The following COL5A1 variants were observed in gnomAD, a reference collection of about 807,000 sequenced individuals.
COL5A1 encodes collagen alpha-1(V) chain.
Under a neutral mutation model 263.7 loss-of-function variants are expected in COL5A1, and 16 were observed. That is an observed-to-expected ratio of 0.06 (90% CI 0.04 to 0.09). The LOEUF (loss-of-function observed/expected upper bound fraction) is 0.09, where lower values mean the gene tolerates loss of function less well. Ranked by LOEUF, COL5A1 falls within the 10% of genes least tolerant of loss-of-function variation. The pLI is 1.00. For synonymous variants in COL5A1, 1,012 were observed against 1,004.5 expected, an observed-to-expected ratio of 1.01 and a Z score of -0.14; for missense variants, 2,036 against 2,540.5, an observed-to-expected ratio of 0.80 and a Z score of 4.27.
chr9:134,807,774 G>A (rs544198542), intron 42 of COL5A1, among the ~76,000 whole-genome samples: 1 of 152,248 alleles, frequency 6.6e-6, no homozygotes, highest in Non-Finnish European at 1.5e-5. Flanking sequence ...GAGGCACCCA[G>A]GACATGGATC....
chr9:134,747,308 C>T (rs1332087672), intron 11 of COL5A1, among the ~76,000 whole-genome samples: 2 of 152,208 alleles, frequency 1.3e-5, no homozygotes, highest in Non-Finnish European at 2.9e-5. Context: ...TGGCTTAGAA[C>T]AGGCAGGAAG....
At chr9:134,835,229 C>A in intron 65 of COL5A1, 25 bp downstream of exon 65, 1 of 1,591,976 alleles carries the variant, frequency 6.3e-7, no homozygotes, top group Non-Finnish European at 8.6e-7. Flanking sequence ...CCGCGCCCAG[C>A]ACCCCTGCTC....
In COL5A1 at chr9:134,755,728, A is replaced by G. The variant is rs7038442; in HGVS notation, c.1828-1037A>G. Among the ~76,000 whole-genome samples the G allele has an allele frequency of 0.23, 34,547 of 152,006 alleles. 4,055 individuals are homozygous for G. The highest frequency in any genetic ancestry group is 0.34 in the East Asian group (1,762 of 5,152). On this transcript the variant is annotated intron_variant, in intron 16 of 65. Transcript: ENST00000371817. The surrounding 1 kb of genome is among the most constrained non-coding windows in gnomAD (Gnocchi z 4.1). ...CCCAATGGGCCCCTCCATTTGCCCA[A>G]CAGGGCGATGTCTTTTTGGGGAGCA...
chr9:134,782,505 A>C, intron 28 of COL5A1, 162 bp from the exon 29 acceptor site: 1 of 743,328 alleles, frequency 1.3e-6, no homozygotes. Flanking sequence ...TGGGAAAGCC[A>C]TTCTCGAGGG....
chr9:134,774,117 C>T (rs866092152), intron 26 of COL5A1, among the ~76,000 whole-genome samples: 7 of 152,236 alleles, frequency 4.6e-5, no homozygotes, highest in South Asian at 2.1e-4. Context: ...TCAACTGGAA[C>T]GAGAGGCATT....
At chr9:134,780,171 G>A (rs1164495882) in intron 28 of COL5A1, 25 bp downstream of exon 28, 1 of 1,612,554 alleles carries the variant, frequency 6.2e-7, no homozygotes. Flanking sequence ...GCAGCCACGG[G>A]GCCCCCTGCT....
intron 4 of COL5A1, among the ~76,000 whole-genome samples, chr9:134,706,376 G>C (rs1833839544): frequency 1.3e-5 from 2 of 152,184 alleles, no homozygotes; most frequent in Admixed American, 1.3e-4. Flanking sequence ...TTTTATCCAG[G>C]GCATAGTCAG....
intron 63 of COL5A1, among the ~76,000 whole-genome samples, chr9:134,828,811 CCACACA>C (rs906680873): frequency 5.3e-5 from 8 of 150,180 alleles, no homozygotes; most frequent in African/African-American, 2.0e-4. Flanking sequence ...CACACAGATA[CCACACA>C]CACACACCAC....
At chr9:134,797,035 C>G in intron 36 of COL5A1, 134 bp downstream of exon 36, 3 of 991,676 alleles carry the variant, frequency 3.0e-6, no homozygotes, top group Non-Finnish European at 4.8e-6. Flanking sequence ...GAGGGAGGCC[C>G]GAGGTGAAAT....
intron 26 of COL5A1, 78 bp from the exon 27 acceptor site, chr9:134,774,781 A>G (rs1836992850): frequency 6.8e-7 from 1 of 1,465,512 alleles, no homozygotes. Flanking sequence ...GGGTATGCCG[A>G]ACTCTGGAGT....
chr9:134,791,734 T>G (rs532551777), intron 32 of COL5A1, among the ~76,000 whole-genome samples: 10 of 118,020 alleles, frequency 8.5e-5, no homozygotes, highest in African/African-American at 3.0e-4. Context: ...TTGGCCGCCC[T>G]TCTTTTGCCT....
rs1839114587 is a variant in COL5A1 at position 134,823,537 on chromosome 9, C to A, written c.4698+68C>A. 4.6e-6 allele frequency: 7 copies of A among 1,533,714 alleles called. No individual in the cohort carries two copies. The African/African-American group carries it at 6.8e-5, about 15-fold the overall frequency. On this transcript the variant is annotated intron_variant, in intron 61 of 65. Transcript: ENST00000371817. ...GCTAGCTCCGAGGGAATTGAGAAAG[C>A]AACTGTGTGTGTGTGACCCCTCCTG...
Position 134,647,698 on chromosome 9 carries a change from C to T in COL5A1, c.109+5402C>T, listed in dbSNP as rs898132597. 6.6e-6 allele frequency among the ~76,000 whole-genome samples: 1 copy of T among 152,178 alleles called. No homozygotes were observed. Among genetic ancestry groups the T allele is most frequent in the African/African-American group, 2.4e-5 (1 of 41,450 alleles). ...CTGTGGGTTCTGCCGCAGGGCAAGC[C>T]GGGTCCAGCTGGATCCGACAATTTC... On this transcript the variant is annotated intron_variant, in intron 1 of 65. Transcript: ENST00000371817. This position sits in a 1 kb window ranked among gnomAD's most constrained non-coding sequence, Gnocchi z 5.0.
Position 134,802,918 on chromosome 9 carries a change from G to A in COL5A1, c.3037G>A (p.Glu1013Lys), listed in dbSNP as rs1060502249. ...CACGGGAGAAACGGGCCCAATGGGTGAGCGTGGCCACCCTGGGCCCCCTGG... is the reference window on the plus strand; with the variant it reads ...CACGGGAGAAACGGGCCCAATGGGTAAGCGTGGCCACCCTGGGCCCCCTGG... ...GPTGETGPMG[E>K]RGHPGPPGPP... Residue 1013 changes from glutamate (E) to lysine (K), a missense_variant, in exon 39 of 66, where the codon GAG (glutamate) becomes AAG (lysine). Physicochemically the swap from Glu to Lys is moderately conservative, Grantham distance 56. This residue lies in a region of COL5A1 where 1,078 missense variants were observed against 1,521.4 expected (regional missense o/e 0.71). Transcript: ENST00000371817. The A allele has an allele frequency of 3.1e-6, 5 of 1,612,472 alleles. No homozygotes were observed. The highest frequency in any genetic ancestry group is 1.7e-5 in the Admixed American group (1 of 59,944).
intron 42 of COL5A1, 196 bp from the exon 43 acceptor site, chr9:134,808,987 C>CAGAAG: frequency 1.6e-6 from 1 of 630,380 alleles, no homozygotes; most frequent in East Asian, 2.7e-5. Flanking sequence ...AGCGATGCAC[C>CAGAAG]AGAAGTTCAT....
chr9:134,729,196 G>A (rs1834772727), intron 6 of COL5A1, among the ~76,000 whole-genome samples: 2 of 152,314 alleles, frequency 1.3e-5, no homozygotes, highest in Admixed American at 1.3e-4. Flanking sequence ...CTCCCCCGGG[G>A]GGTGACGCAG....
intron 27 of COL5A1, among the ~76,000 whole-genome samples, 188 bp downstream of exon 27, chr9:134,775,100 G>T (rs1212755059): frequency 6.6e-6 from 1 of 152,252 alleles, no homozygotes; most frequent in African/African-American, 2.4e-5. Flanking sequence ...GCAGGTGAGG[G>T]TGTGACCAGC....
chr9:134,837,290 AGTGGGTATT>A (rs917785311), intron 65 of COL5A1, among the ~76,000 whole-genome samples: 7 of 152,112 alleles, frequency 4.6e-5, no homozygotes, highest in Admixed American at 1.3e-4. Context: ...TAGCTGGCCC[AGTGGGTATT>A]GTCTGGTAAA....
intron 1 of COL5A1, among the ~76,000 whole-genome samples, chr9:134,671,331 G>C (rs1832534130): frequency 6.6e-6 from 1 of 152,194 alleles, no homozygotes; most frequent in African/African-American, 2.4e-5. Context: ...CCAATGTGTG[G>C]TGCATCCTTT....
Sources: allele counts gnomAD v4.1 joint callset (sites outside exome capture counted in the v4.1 genomes callset), GRCh38; gene constraint gnomAD v4.1.1; regional missense constraint gnomAD v4.1.1; non-coding constraint Gnocchi (gnomAD v3.1); transcripts MANE v1.5; gene names NCBI Gene and HGNC (gene_info 2026-07-23, HGNC 2026-07-21).